Variants in STK10 observed in about 807,000 individuals in gnomAD.
STK10 encodes serine/threonine kinase 10, also known as serine/threonine-protein kinase 10.
In STK10, 78 loss-of-function variants were observed where a neutral mutation model predicts 113.8. The observed-to-expected ratio is 0.69, with a 90% CI of 0.57 to 0.83. STK10 has a LOEUF of 0.83. Ranked by LOEUF, STK10 falls within the 40% of genes least tolerant of loss-of-function variation. The pLI is 0.00. For missense variants in STK10, 1,109 were observed against 1,280.1 expected (o/e 0.87, Z 2.04); for synonymous variants, 465 against 494.7 (o/e 0.94, Z 0.80).
At chr5:172,132,817 C>A (rs1769783865) in intron 2 of STK10, among the ~76,000 whole-genome samples, 1 of 152,144 alleles carries the variant, frequency 6.6e-6, no homozygotes, top group African/African-American at 2.4e-5. Flanking sequence ...AGCCTGGGGA[C>A]TGAGGACCCA....
chr5:172,173,800 G>A (rs1227148495), intron 1 of STK10, among the ~76,000 whole-genome samples: 5 of 152,218 alleles, frequency 3.3e-5, no homozygotes, highest in African/African-American at 1.2e-4. Context: ...TCACCCCACA[G>A]AAATGGCAAC....
chr5:172,188,029 T>C lies in STK10; in HGVS notation c.14A>G (p.Asn5Ser), dbSNP rs764741143. Residue 5 changes from asparagine to serine, a missense_variant, in exon 1 of 19, where the codon AAT (asparagine) becomes AGT (serine). Transcript: ENST00000176763. This position sits in a 1 kb window ranked among gnomAD's most constrained non-coding sequence, Gnocchi z 5.6. ...AGACAGGCGCAGGATGCGGCGGAAA[T>C]TGGCAAAAGCCATGGCCGGGGGCGC... MAFA[N>S]FRRILRLSTF... 3.7e-6 allele frequency: 6 copies of C among 1,612,494 alleles called. No homozygotes were observed. Among genetic ancestry groups the C allele is most frequent in the African/African-American group, 1.3e-5 (1 of 74,870 alleles).
At chr5:172,068,884 C>CAAAAAA (rs57550509) in intron 12 of STK10, among the ~76,000 whole-genome samples, 18 of 126,484 alleles carry the variant, frequency 1.4e-4, no homozygotes, top group African/African-American at 5.2e-4. Flanking sequence ...GACTCTGCCT[C>CAAAAAA]AAAAAAAAAA....
chr5:172,179,959 A>T (rs984239680), intron 1 of STK10, among the ~76,000 whole-genome samples: 2 of 152,184 alleles, frequency 1.3e-5, no homozygotes, highest in Non-Finnish European at 2.9e-5. Context: ...GCAGAATGTC[A>T]CATCACTCCT....
Position 172,093,479 on chromosome 5 carries a change from A to G in STK10, c.1487T>C (p.Met496Thr), listed in dbSNP as rs1246170424. 15 of 1,614,070 alleles carry G rather than the reference A, an allele frequency of 9.3e-6. No homozygotes were observed. The highest frequency in any genetic ancestry group is 6.7e-5 in the East Asian group (3 of 44,898). ...AGTGGAGAGATTGGTACCATAGTCC[A>G]TGCTCTCAGAGGTGCAGAGGCTGCT... is the stretch of plus-strand genomic sequence containing the variant. ...DCSSLCTSES[M>T]DYGTNLSTDL... is the part of the protein sequence containing the mutation. The change falls in exon 9 of 19, where the codon ATG (methionine) becomes ACG (threonine). Residue 496 changes from methionine (M) to threonine (T), a missense_variant. Transcript: ENST00000176763. This position sits in a 1 kb window ranked among gnomAD's most constrained non-coding sequence, Gnocchi z 4.1.
At chr5:172,092,979 A>C (rs1768753430) in intron 9 of STK10, 1 of 162,202 alleles carries the variant, frequency 6.2e-6, no homozygotes, top group Non-Finnish European at 1.4e-5. Context: ...GGTTCGCCTC[A>C]AGCCCAGGCC....
At chr5:172,084,040 G>A (rs191089076) in intron 10 of STK10, among the ~76,000 whole-genome samples, 4 of 151,474 alleles carry the variant, frequency 2.6e-5, no homozygotes, top group Non-Finnish European at 5.9e-5. Flanking sequence ...TTGATATGAT[G>A]GAATTCTATA....
chr5:172,114,044 G>A (rs1769308817), intron 4 of STK10, among the ~76,000 whole-genome samples: 1 of 152,020 alleles, frequency 6.6e-6, no homozygotes, highest in Admixed American at 6.6e-5. Flanking sequence ...ACCCTTTAAG[G>A]CAGGGAAAAT....
intron 15 of STK10, 172 bp downstream of exon 15, chr5:172,057,177 A>T: frequency 1.2e-6 from 1 of 822,740 alleles, no homozygotes; most frequent in Non-Finnish European, 1.9e-6. Context: ...GAGCTGAAGC[A>T]GGACGCCCCT....
intron 2 of STK10, among the ~76,000 whole-genome samples, chr5:172,153,638 C>T (rs1429810934): frequency 6.6e-6 from 1 of 152,196 alleles, no homozygotes; most frequent in African/African-American, 2.4e-5. Flanking sequence ...GAGAGCAGAC[C>T]CCAGGTCCAG....
intron 18 of STK10, among the ~76,000 whole-genome samples, chr5:172,050,597 C>T (rs999897953): frequency 7.9e-5 from 12 of 152,192 alleles, no homozygotes; most frequent in Admixed American, 2.6e-4. Context: ...GAGCTGATCA[C>T]GTCAAGGGAA....
Position 172,120,215 on chromosome 5 carries a change from C to T in STK10, c.371-2585G>A, listed in dbSNP as rs1769481113. ...CAGGCTGTCGGCTTCTAAGCCTGGT[C>T]ACCAAAGGGCACTGCTCCGAGTCTT... On this transcript the variant is annotated intron_variant, in intron 3 of 18. Coordinates refer to ENST00000176763, the MANE Select transcript of STK10 (RefSeq NM_005990.4). This position sits in a 1 kb window ranked among gnomAD's most constrained non-coding sequence, Gnocchi z 4.0. Among the ~76,000 whole-genome samples, 1 of 152,198 alleles carries T rather than the reference C, an allele frequency of 6.6e-6. No homozygotes were observed. The highest frequency in any genetic ancestry group is 1.5e-5 in the Non-Finnish European group (1 of 68,020).
Position 172,133,942 on chromosome 5 carries a change from A to G in STK10, c.322-6521T>C, listed in dbSNP as rs893862901. On this transcript the variant is annotated intron_variant, in intron 2 of 18. Coordinates refer to ENST00000176763, the MANE Select transcript of STK10 (RefSeq NM_005990.4). This position sits in a 1 kb window ranked among gnomAD's most constrained non-coding sequence, Gnocchi z 4.9. ...GCTCTCCAACTTGAACGTTCAGCAG[A>G]GTGCTTGTTAAAACAGATCACTGGG... Among the ~76,000 whole-genome samples the G allele has an allele frequency of 3.9e-5, 6 of 152,190 alleles. No homozygotes were observed. The highest frequency in any genetic ancestry group is 5.9e-5 in the Non-Finnish European group (4 of 68,040).
chr5:172,108,566 C>T (rs1408188611), intron 4 of STK10, among the ~76,000 whole-genome samples: 8 of 141,980 alleles, frequency 5.6e-5, no homozygotes, highest in African/African-American at 2.1e-4. Context: ...CAGGGAGCTG[C>T]AATCGCACCA....
At chr5:172,060,740 G>T (rs1230041636) in intron 14 of STK10, among the ~76,000 whole-genome samples, 2 of 152,212 alleles carry the variant, frequency 1.3e-5, no homozygotes, top group African/African-American at 4.8e-5. Flanking sequence ...CAGAAATGGG[G>T]ATAACCTAGG....
intron 1 of STK10, among the ~76,000 whole-genome samples, chr5:172,168,627 C>A (rs1442766040): frequency 6.6e-6 from 1 of 152,170 alleles, no homozygotes; most frequent in African/African-American, 2.4e-5. Context: ...CGCCTTTCTC[C>A]AGCACAGGCC....
chr5:172,186,620 T>C (rs1440583214), intron 1 of STK10, among the ~76,000 whole-genome samples: 2 of 148,434 alleles, frequency 1.3e-5, no homozygotes, highest in Non-Finnish European at 3.0e-5. Flanking sequence ...AAACCCTGTC[T>C]CAAAAAAAAG....
intron 14 of STK10, among the ~76,000 whole-genome samples, chr5:172,058,774 C>T (rs377338571): frequency 1.4e-4 from 22 of 152,216 alleles, no homozygotes; most frequent in African/African-American, 3.6e-4. Flanking sequence ...CCTGTAATCA[C>T]AGCTGCTCAG....
At chr5:172,049,766 T>C (rs1767586427) in intron 18 of STK10, among the ~76,000 whole-genome samples, 1 of 152,152 alleles carries the variant, frequency 6.6e-6, no homozygotes, top group Admixed American at 6.5e-5. Flanking sequence ...CCTAACTGAA[T>C]GGGTATTCTT....
Sources: allele counts gnomAD v4.1 joint callset (sites outside exome capture counted in the v4.1 genomes callset), GRCh38; gene constraint gnomAD v4.1.1; non-coding constraint Gnocchi (gnomAD v3.1); transcripts MANE v1.5; gene names NCBI Gene and HGNC (gene_info 2026-07-23, HGNC 2026-07-21).